PTPRQ: variants seen among roughly 807,000 people sequenced by gnomAD.
PTPRQ encodes protein tyrosine phosphatase receptor type Q.
A neutral mutation model predicts 246.0 loss-of-function variants in PTPRQ; 199 were observed. The ratio of observed to expected loss-of-function variants is 0.81; its 90% confidence interval spans 0.72 to 0.91. The LOEUF is 0.91. Ranked by LOEUF, PTPRQ falls within the 40% of genes least tolerant of loss-of-function variation. The pLI, the probability that PTPRQ is intolerant of heterozygous loss-of-function variation, is 0.00. For synonymous variants in PTPRQ, 869 were observed against 853.2 expected, an observed-to-expected ratio of 1.02 and a Z score of -0.32; for missense variants, 2,624 against 2,528.4, an observed-to-expected ratio of 1.04 and a Z score of -0.81.
At chr12:80,663,829 A>G (rs1032541557) in intron 39 of PTPRQ, among the ~76,000 whole-genome samples, 1 of 151,756 alleles carries the variant, frequency 6.6e-6, no homozygotes, top group Non-Finnish European at 1.5e-5. Flanking sequence ...ATGTCTCACT[A>G]TCTGTCCAAA....
intron 33 of PTPRQ, among the ~76,000 whole-genome samples, chr12:80,623,433 C>A (rs1161991862): frequency 6.6e-6 from 1 of 152,068 alleles, no homozygotes; most frequent in African/African-American, 2.4e-5. Flanking sequence ...TTAAAGCTAG[C>A]TGATTAGTTT....
rs994932624 is a variant in PTPRQ, at chr12:80,484,490, T to C, written c.1244T>C (p.Ile415Thr). The change falls in exon 9 of 45, where the codon ATT (isoleucine) becomes ACT (threonine). Residue 415 changes from isoleucine to threonine, a missense_variant. Ile to Thr is a moderately conservative substitution (Grantham distance 89). Transcript: ENST00000644991. ...GAGGTAGAATCCACGCAAGTAAGAA[T>C]TACTTGGAAGAAACCACGACAACCA... ...LAEVESTQVR[I>T]TWKKPRQPNG... The C allele has an allele frequency of 6.4e-7, 1 of 1,551,276 alleles. No individual in the cohort carries two copies. Among genetic ancestry groups the C allele is most frequent in the Admixed American group, 2.0e-5 (1 of 50,940 alleles).
At chr12:80,651,739 T>C (rs937630264) in intron 37 of PTPRQ, among the ~76,000 whole-genome samples, 1 of 152,094 alleles carries the variant, frequency 6.6e-6, no homozygotes, top group Non-Finnish European at 1.5e-5. Context: ...TAAACTCACC[T>C]TTTTTCTCCC....
rs184129968 is a variant in PTPRQ at position 80,542,414 on chromosome 12, G to T, written c.3721+50G>T. 200 of 1,504,124 alleles carry T rather than the reference G, an allele frequency of 1.3e-4. 1 individual carries two copies. The African/African-American group carries it at 2.6e-3, about 20-fold the overall frequency. 93.2% of individuals were successfully genotyped at this position (1,504,124 alleles called of 1,614,324 possible). On this transcript the variant is annotated intron_variant, in intron 22 of 44. Transcript: ENST00000644991. ...AAACAATTTCACTGTTGCAGCGCCT[G>T]CTCTCTCTTTTTAAGGAACAGCATG... is the stretch of plus-strand genomic sequence containing the variant.
chr12:80,466,477 G>T (rs1158534833), intron 6 of PTPRQ, among the ~76,000 whole-genome samples: 4 of 152,138 alleles, frequency 2.6e-5, no homozygotes, highest in Non-Finnish European at 4.4e-5. Context: ...AGCTACCAAT[G>T]ACTTTCTTCA....
intron 3 of PTPRQ, among the ~76,000 whole-genome samples, chr12:80,450,703 C>T (rs1892732523): frequency 1.3e-5 from 2 of 152,146 alleles, no homozygotes; most frequent in African/African-American, 4.8e-5. Context: ...TATATTGAAC[C>T]AGCCTTGCAT....
chr12:80,524,259 T>C (rs4350421), intron 17 of PTPRQ, among the ~76,000 whole-genome samples: 45,891 of 152,008 alleles, frequency 0.3, 7,740 homozygotes, highest in African/African-American at 0.44. Flanking sequence ...TATGTGTGTC[T>C]CTGCATGTGA....
At chr12:80,652,151 G>T (rs943697525) in intron 37 of PTPRQ, among the ~76,000 whole-genome samples, 4 of 152,160 alleles carry the variant, frequency 2.6e-5, no homozygotes, top group African/African-American at 9.6e-5. Flanking sequence ...CCAAGAGCAA[G>T]GTAGATAGAT....
rs1040490687 is a variant in PTPRQ, at chr12:80,471,902, T to C, written c.1040-203T>C. 4.6e-5 allele frequency among the ~76,000 whole-genome samples: 7 copies of C among 152,270 alleles called. No homozygotes were observed. The East Asian group carries it at 1.3e-3, about 29-fold the overall frequency. On this transcript the variant is annotated intron_variant, in intron 7 of 44. Transcript: ENST00000644991. The stretch of plus-strand genomic sequence containing the variant: ...CATTTTAAGCACTGGAACATTTTCA[T>C]GTTCTTTCATTTATTTTCATTAAAT...
intron 25 of PTPRQ, among the ~76,000 whole-genome samples, chr12:80,572,461 T>A (rs1212909017): frequency 2.6e-5 from 4 of 152,106 alleles, no homozygotes; most frequent in Non-Finnish European, 5.9e-5. Flanking sequence ...ATTAAAAGTA[T>A]TTTTCTCTCT....
At chr12:80,453,382 TG>T (rs2120433186) in intron 3 of PTPRQ, among the ~76,000 whole-genome samples, 1 of 152,372 alleles carries the variant, frequency 6.6e-6, no homozygotes, top group East Asian at 1.9e-4. Context: ...AGTCATTCTC[TG>T]TCCAGCTTTG....
chr12:80,631,991 G>C (rs374847834), intron 33 of PTPRQ, among the ~76,000 whole-genome samples: 10 of 152,130 alleles, frequency 6.6e-5, no homozygotes, highest in South Asian at 6.2e-4. Flanking sequence ...AGTGAGTTTA[G>C]ATAGAAAAAG....
chr12:80,677,611 C>T (rs11114566), intron 43 of PTPRQ, among the ~76,000 whole-genome samples: 25,374 of 152,038 alleles, frequency 0.17, 2,837 homozygotes, highest in Non-Finnish European at 0.24. Context: ...ATAAAACTGA[C>T]GTTCCAGTAA....
Position 80,652,802 on chromosome 12 carries a change from G to T in PTPRQ, c.6083G>T (p.Arg2028Ile). Reference protein sequence around the residue: ...SSTDADLPWNRAKNRFPNIKP... With the variant: ...SSTDADLPWNIAKNRFPNIKP... ...ACTGATGCTGATCTGCCTTGGAATA[G>T]AGCAAAAAACCGCTTCCCAAACATA... Residue 2028 changes from arginine to isoleucine, a missense_variant, in exon 38 of 45, where the codon AGA becomes ATA. Physicochemically the swap from Arg to Ile is moderately conservative, Grantham distance 97. Transcript: ENST00000644991. 6.6e-7 allele frequency: 1 copy of T among 1,510,830 alleles called. No homozygotes were observed. The highest frequency in any genetic ancestry group is 2.6e-5 in the East Asian group (1 of 38,726). The allele number at this position is 1,510,830 out of a possible 1,614,324, so 93.6% of individuals were successfully genotyped here. A position where few individuals can be genotyped will look rare whatever the true frequency, so the allele number is the denominator to read the frequency against.
intron 9 of PTPRQ, among the ~76,000 whole-genome samples, chr12:80,485,941 A>G (rs1894261205): frequency 6.6e-6 from 1 of 152,068 alleles, no homozygotes; most frequent in South Asian, 2.1e-4. Context: ...TAGAGAGCTC[A>G]TGAGCTTTGG....
chr12:80,455,102 G>T (rs1378919288), intron 3 of PTPRQ, among the ~76,000 whole-genome samples: 1 of 152,160 alleles, frequency 6.6e-6, no homozygotes, highest in Non-Finnish European at 1.5e-5. Flanking sequence ...GAACCCGGGA[G>T]GCAGAGGTTG....
intron 35 of PTPRQ, among the ~76,000 whole-genome samples, chr12:80,637,867 G>A (rs917628960): frequency 4.0e-4 from 61 of 152,156 alleles, no homozygotes; most frequent in African/African-American, 1.5e-3. Flanking sequence ...GTAGATTCTA[G>A]GAGTGAGAAT....
chr12:80,543,215 C>G (rs765895076), intron 23 of PTPRQ, among the ~76,000 whole-genome samples: 2 of 152,070 alleles, frequency 1.3e-5, no homozygotes, highest in Non-Finnish European at 2.9e-5. Flanking sequence ...CTATTGTTAA[C>G]AGCAGCACCA....
chr12:80,567,846 A>G (rs1430229792), intron 25 of PTPRQ, among the ~76,000 whole-genome samples: 1 of 152,196 alleles, frequency 6.6e-6, no homozygotes, highest in Non-Finnish European at 1.5e-5. Context: ...GTTGCACTGT[A>G]TGAAATACAT....
Sources: allele counts gnomAD v4.1 joint callset (sites outside exome capture counted in the v4.1 genomes callset), GRCh38; gene constraint gnomAD v4.1.1; transcripts MANE v1.5; gene names NCBI Gene and HGNC (gene_info 2026-07-23, HGNC 2026-07-21).